ZSWIM5: variants seen among roughly 807,000 people sequenced by gnomAD.
The protein encoded by ZSWIM5 is zinc finger SWIM domain-containing protein 5.
A neutral mutation model predicts 119.6 loss-of-function variants in ZSWIM5; 55 were observed. The ratio of observed to expected loss-of-function variants is 0.46; its 90% CI spans 0.37 to 0.58. The LOEUF is 0.58. ZSWIM5 is among the 20% of genes least tolerant of loss of function. ZSWIM5 has a pLI of 0.00. For missense variants in ZSWIM5, 1,193 were observed against 1,512.8 expected (o/e 0.79, Z 3.51); for synonymous variants, 537 against 606.9 (o/e 0.88, Z 1.69).
chr1:45,033,794 A>T (rs918419140), intron 11 of ZSWIM5, among the ~76,000 whole-genome samples: 8 of 152,188 alleles, frequency 5.3e-5, no homozygotes, highest in Admixed American at 5.2e-4. Flanking sequence ...AGTACCTTAA[A>T]GATCATTTAA....
chr1:45,184,158 T>C (rs1570194896), intron 1 of ZSWIM5, among the ~76,000 whole-genome samples: 2 of 152,314 alleles, frequency 1.3e-5, no homozygotes, highest in East Asian at 3.9e-4. Context: ...CACATGATTA[T>C]CTCAACAGAT....
intron 1 of ZSWIM5, among the ~76,000 whole-genome samples, chr1:45,136,794 C>T (rs1335232790): frequency 6.6e-6 from 1 of 152,060 alleles, no homozygotes; most frequent in Non-Finnish European, 1.5e-5. Context: ...CTATTTTTGG[C>T]TCACCCCTAC....
At chr1:45,166,004 G>T (rs566893927) in intron 1 of ZSWIM5, among the ~76,000 whole-genome samples, 2 of 152,118 alleles carry the variant, frequency 1.3e-5, no homozygotes, top group African/African-American at 4.8e-5. Context: ...GCCTGGCAGA[G>T]ACACAACAAA....
At chr1:45,097,978 T>G (rs1645413275) in intron 1 of ZSWIM5, among the ~76,000 whole-genome samples, 1 of 151,956 alleles carries the variant, frequency 6.6e-6, no homozygotes, top group African/African-American at 2.4e-5. Context: ...AAGGGATGAG[T>G]TTTTGAGGAA....
At chr1:45,101,806 C>T (rs1015879473) in intron 1 of ZSWIM5, among the ~76,000 whole-genome samples, 3 of 152,104 alleles carry the variant, frequency 2.0e-5, no homozygotes, top group East Asian at 1.9e-4. Flanking sequence ...AACCAAACAC[C>T]GCATGTTCTC....
At chr1:45,059,755 T>G (rs1645142169) in intron 3 of ZSWIM5, among the ~76,000 whole-genome samples, 1 of 152,204 alleles carries the variant, frequency 6.6e-6, no homozygotes, top group African/African-American at 2.4e-5. Flanking sequence ...TTTCAAAATA[T>G]TAAGTGTCTT....
rs554376826 is a variant in ZSWIM5, at chr1:45,113,309, G to C, written c.596-25072C>G. Among the ~76,000 whole-genome samples the C allele has an allele frequency of 5.9e-5, 9 of 152,278 alleles. No homozygotes were observed. The East Asian group carries it at 1.7e-3, about 29-fold the overall frequency. ...ATATTGAAGAGGTAGGGAGGGATGA[G>C]ATTATAAAGGAAACAGGTAAAGAAT... On this transcript the variant is annotated intron_variant, in intron 1 of 13. Coordinates refer to ENST00000359600, the MANE Select transcript of ZSWIM5 (RefSeq NM_020883.2).
intron 2 of ZSWIM5, 56 bp downstream of exon 2, chr1:45,087,825 G>A: frequency 7.8e-7 from 1 of 1,278,332 alleles, no homozygotes; most frequent in Non-Finnish European, 1.1e-6. Context: ...GGGTTGCTTT[G>A]GTGACAGTGG....
chr1:45,020,206 C>T lies in ZSWIM5; in HGVS notation c.2614-59G>A, dbSNP rs143636197. 1,375 of 1,374,004 alleles carry T rather than the reference C, an allele frequency of 1.0e-3. 15 individuals are homozygous for T. In the African/African-American group the frequency reaches 0.018, roughly 18 times the overall value. 85.1% of individuals were successfully genotyped at this position (1,374,004 alleles called of 1,614,324 possible). A position where few individuals can be genotyped will look rare whatever the true frequency, so the allele number is the denominator to read the frequency against. ...GCCTAACTGTTGTGACCTCTCCCTC[C>T]CCTTGCATTCATTTATGCGACAAAT... is the stretch of plus-strand genomic sequence containing the variant. On this transcript the variant is annotated intron_variant, in intron 12 of 13. Coordinates refer to ENST00000359600, the MANE Select transcript of ZSWIM5 (RefSeq NM_020883.2).
At chr1:45,152,067 G>A (rs1645799782) in intron 1 of ZSWIM5, among the ~76,000 whole-genome samples, 2 of 152,170 alleles carry the variant, frequency 1.3e-5, no homozygotes, top group Non-Finnish European at 1.5e-5. Flanking sequence ...CAATGTCTGG[G>A]GAGGTAGGTA....
At chr1:45,046,629 A>AAG (rs1330609483) in intron 5 of ZSWIM5, among the ~76,000 whole-genome samples, 1 of 104,358 alleles carries the variant, frequency 9.6e-6, no homozygotes, top group Non-Finnish European at 1.9e-5. Flanking sequence ...AGGTCTGGGC[A>AAG]AGATATGTGT....
chr1:45,174,357 A>C (rs1054755381), intron 1 of ZSWIM5, among the ~76,000 whole-genome samples: 3 of 152,242 alleles, frequency 2.0e-5, no homozygotes, highest in African/African-American at 7.2e-5. Flanking sequence ...TTTTAATGTA[A>C]GCTAAGAAAA....
intron 1 of ZSWIM5, among the ~76,000 whole-genome samples, chr1:45,109,601 T>C (rs1645503243): frequency 6.6e-6 from 1 of 151,964 alleles, no homozygotes; most frequent in Non-Finnish European, 1.5e-5. Flanking sequence ...AAAAATTTGC[T>C]GGGCATGGTG....
At chr1:45,105,895 CCGGCCGCCCCG>C in intron 1 of ZSWIM5, among the ~76,000 whole-genome samples, 1 of 142,182 alleles carries the variant, frequency 7.0e-6, no homozygotes, top group African/African-American at 2.7e-5. Context: ...GCACCTCTGC[CCGGCCGCCCCG>C]TCTGGGAGGA....
intron 1 of ZSWIM5, among the ~76,000 whole-genome samples, chr1:45,173,000 C>G (rs558376243): frequency 6.6e-6 from 1 of 151,882 alleles, no homozygotes; most frequent in South Asian, 2.1e-4. Context: ...CCAGTCTCTA[C>G]AAAAAATAAA....
chr1:45,086,945 G>A (rs111466102), intron 2 of ZSWIM5, among the ~76,000 whole-genome samples: 3,918 of 147,662 alleles, frequency 0.027, 184 homozygotes, highest in African/African-American at 0.094. Flanking sequence ...GTGCAGTGGC[G>A]TGATCTCGGC....
At chr1:45,056,379 G>C (rs1645121584) in intron 4 of ZSWIM5, among the ~76,000 whole-genome samples, 1 of 152,076 alleles carries the variant, frequency 6.6e-6, no homozygotes. Context: ...GATCACCTGA[G>C]GTCAGGAGTT....
chr1:45,021,857 T>C (rs1569981134), intron 11 of ZSWIM5, among the ~76,000 whole-genome samples: 1 of 151,438 alleles, frequency 6.6e-6, no homozygotes. Context: ...CCGTCTCTAC[T>C]AAAAAAATAC....
intron 1 of ZSWIM5, among the ~76,000 whole-genome samples, chr1:45,094,644 C>T (rs1645388401): frequency 6.6e-6 from 1 of 152,070 alleles, no homozygotes. Flanking sequence ...AGGTGGATCA[C>T]TTGAGCTCAG....
Sources: gnomAD v4.1 joint callset for allele counts (sites outside exome capture counted in the v4.1 genomes callset) on GRCh38, gnomAD v4.1.1 for gene constraint, MANE v1.5 for transcripts, NCBI Gene and HGNC (gene_info 2026-07-23, HGNC 2026-07-21) for gene names.